Variants in KIF20A observed in about 807,000 individuals in gnomAD.
The protein encoded by KIF20A is kinesin family member 20A.
KIF20A carries 66 observed loss-of-function variants against 113.0 expected under a neutral mutation model. That is an observed-to-expected ratio of 0.58 (90% CI 0.48 to 0.72). The LOEUF (loss-of-function observed/expected upper bound fraction) is 0.72. Among genes scored for constraint, KIF20A ranks in the 30% least tolerant of loss-of-function variants. KIF20A has a pLI of 0.00. For synonymous variants in KIF20A, 376 were observed against 402.3 expected, an observed-to-expected ratio of 0.93 and a Z score of 0.78; for missense variants, 927 against 1,077.6, an observed-to-expected ratio of 0.86 and a Z score of 1.96.
chr5:138,185,591 G>C lies in KIF20A; in HGVS notation c.2006G>C (p.Gly669Ala). 6.2e-7 allele frequency: 1 copy of C among 1,614,162 alleles called. No individual in the cohort carries two copies. Among genetic ancestry groups the C allele is most frequent in the Non-Finnish European group, 8.5e-7 (1 of 1,180,034 alleles). ...RQQSVAHQQS[G>A]SELALRRSQR... ...CAGTCAGTGGCCCATCAGCAATCAG[G>C]GTCTGAATTGGCCCTACGGCGGTCA... The change falls in exon 16 of 19, where the codon GGG becomes GCG. Residue 669 changes from glycine to alanine, a missense_variant. Gly to Ala is a moderately conservative substitution (Grantham distance 60). Coordinates refer to ENST00000394894, the MANE Select transcript of KIF20A (RefSeq NM_005733.3).
At position 138,182,790 on chromosome 5, in the gene KIF20A, C is replaced by T. The variant is rs891498274; in HGVS notation, c.702+17C>T. ...CTCCAAGAGGTAAAGCATTGGTATCCATGGCAGTGGGGGTAGGGGGTACAA... is the reference window on the plus strand; with the variant it reads ...CTCCAAGAGGTAAAGCATTGGTATCTATGGCAGTGGGGGTAGGGGGTACAA... On this transcript the variant is annotated intron_variant, in intron 6 of 18. Transcript: ENST00000394894. 3 of 1,613,420 alleles carry T rather than the reference C, an allele frequency of 1.9e-6. No individual in the cohort carries two copies. The highest frequency in any genetic ancestry group is 1.1e-5 in the South Asian group (1 of 91,066).
rs1754718759 is a variant in KIF20A at position 138,184,821 on chromosome 5, T to TTC, written c.1698_1699insTC (p.Val567SerfsTer5). The TTC allele has an allele frequency of 6.2e-7, 1 of 1,613,932 alleles. No homozygotes were observed. The highest frequency in any genetic ancestry group is 1.7e-5 in the Admixed American group (1 of 59,984). ...GTCTCTCCTAGGAGCTCCTACAAGTTGTGGAAGCCATGAAGACACTGCTTT... is the reference window on the plus strand; with the variant it reads ...GTCTCTCCTAGGAGCTCCTACAAGTTTCGTGGAAGCCATGAAGACACTGCTTT... On this transcript the variant is annotated frameshift_variant, in exon 14 of 19. Transcript: ENST00000394894. LOFTEE classifies it high-confidence loss of function.
chr5:138,187,057 G>T, intron 18 of KIF20A, 39 bp from the exon 19 acceptor site: 1 of 1,520,808 alleles, frequency 6.6e-7, no homozygotes. Flanking sequence ...TAATATACCA[G>T]ACAAAAGTGT....
rs1416252324 is a variant in KIF20A, at chr5:138,179,665, G to A, written c.-16G>A. The A allele has an allele frequency of 6.2e-7, 1 of 1,613,512 alleles. No homozygotes were observed. Among genetic ancestry groups the A allele is most frequent in the Non-Finnish European group, 8.5e-7 (1 of 1,179,966 alleles). ...ACTTTTTGGTCTCTTTTTAGACCTA[G>A]GCTGCCCCTGCCGTCATGTCGCAAG... On this transcript the variant is annotated 5_prime_UTR_variant, in exon 2 of 19. Coordinates refer to ENST00000394894, the MANE Select transcript of KIF20A (RefSeq NM_005733.3).
chr5:138,181,659 G>A lies in KIF20A; in HGVS notation c.306G>A (p.Lys102=). Residue 102 remains lysine (K), a synonymous_variant, in exon 4 of 19, where the codon AAG becomes AAA. Coordinates refer to ENST00000394894, the MANE Select transcript of KIF20A (RefSeq NM_005733.3). The stretch of plus-strand genomic sequence containing the variant: ...AGACCCTTGTTCTACAAGCACCCAA[G>A]GACTCTTTTGCCCTGAAGAGCAATG... The part of the protein sequence containing the change: ...NVETLVLQAP[K]DSFALKSNER... The A allele has an allele frequency of 1.9e-6, 3 of 1,614,152 alleles. No individual in the cohort carries two copies. Among genetic ancestry groups the A allele is most frequent in the Non-Finnish European group, 2.5e-6 (3 of 1,180,028 alleles).
rs1754617230 is a variant in KIF20A at position 138,179,928 on chromosome 5, G to A, written c.165+83G>A. The A allele has an allele frequency of 1.0e-5, 14 of 1,381,262 alleles. No homozygotes were observed. In the East Asian group the frequency reaches 3.5e-4, roughly 34 times the overall value. The allele number at this position is 1,381,262 out of a possible 1,614,324, so 85.6% of individuals were successfully genotyped here. A position where few individuals can be genotyped will look rare whatever the true frequency, so the allele number is the denominator to read the frequency against. Reference sequence around the variant, plus strand: ...CCATACAGGGTAGTATGAGGTCAAAGACTAGCAATCCTAAAGGTCTGAGAT... The same window carrying A: ...CCATACAGGGTAGTATGAGGTCAAAAACTAGCAATCCTAAAGGTCTGAGAT... On this transcript the variant is annotated intron_variant, in intron 2 of 18. Transcript: ENST00000394894.
At chr5:138,179,576 G>C in intron 1 of KIF20A, 84 bp from the exon 2 acceptor site, 2 of 1,066,968 alleles carry the variant, frequency 1.9e-6, no homozygotes. Flanking sequence ...GGTGTCCTGG[G>C]GCAAGGGACT....
At position 138,186,397 on chromosome 5, in the gene KIF20A, C is replaced by G. The variant is rs755898437; in HGVS notation, c.2321C>G (p.Ala774Gly). The change falls in exon 18 of 19, where the codon GCC becomes GGC. Residue 774 changes from alanine to glycine, a missense_variant. Physicochemically the swap from Ala to Gly is moderately conservative, Grantham distance 60 (BLOSUM62 0). Coordinates refer to ENST00000394894, the MANE Select transcript of KIF20A (RefSeq NM_005733.3). ...HSTGAGKLRQ[A>G]LTTCDDILIK... is the part of the protein sequence containing the mutation. ...ACTGGGGCAGGAAAACTTCGTCAAG[C>G]CTTGACCACTTGTGATGACATCTTA... is the stretch of plus-strand genomic sequence containing the variant. The G allele has an allele frequency of 9.9e-6, 16 of 1,611,904 alleles. No homozygotes were observed. In the East Asian group the frequency reaches 3.6e-4, roughly 36 times the overall value.
rs769181467 is a variant in KIF20A, at chr5:138,183,590, A to G, written c.1139+9A>G. 21 of 1,612,944 alleles carry G rather than the reference A, an allele frequency of 1.3e-5. No homozygotes were observed. Among genetic ancestry groups the G allele is most frequent in the Non-Finnish European group, 1.8e-5 (21 of 1,179,138 alleles). On this transcript the variant is annotated intron_variant, in intron 9 of 18. Coordinates refer to ENST00000394894, the MANE Select transcript of KIF20A (RefSeq NM_005733.3). This position sits in a 1 kb window ranked among gnomAD's most constrained non-coding sequence, Gnocchi z 5.2. ...CAGAACTCCAGCCGCAGGTGAGTAG[A>G]TTGTAAGAATAAACTCTTCACTGTG...
intron 12 of KIF20A, 23 bp from the exon 13 acceptor site, chr5:138,184,489 T>C: frequency 6.2e-7 from 1 of 1,610,710 alleles, no homozygotes; most frequent in South Asian, 1.1e-5. Context: ...TGGAGTCAAG[T>C]AAGATATTTT....
chr5:138,181,344 A>G (rs1754658361), intron 2 of KIF20A, 78 bp from the exon 3 acceptor site: 2 of 1,157,634 alleles, frequency 1.7e-6, no homozygotes, highest in African/African-American at 1.5e-5. Context: ...CATAGTTCCT[A>G]GAAACTACTG....
intron 4 of KIF20A, 112 bp downstream of exon 4, chr5:138,181,840 C>G: frequency 1.6e-6 from 2 of 1,275,754 alleles, no homozygotes; most frequent in South Asian, 2.8e-5. Flanking sequence ...ATATGCACAC[C>G]TACAATTTTG....
chr5:138,182,144 G>T lies in KIF20A; in HGVS notation c.376-179G>T, dbSNP rs370613768. Among the ~76,000 whole-genome samples the T allele has an allele frequency of 7.8e-4, 119 of 152,320 alleles. 1 individual carries two copies. Among genetic ancestry groups the T allele is most frequent in the African/African-American group, 2.7e-3 (113 of 41,576 alleles). On this transcript the variant is annotated intron_variant, in intron 4 of 18. Transcript: ENST00000394894. ...TGTTTGTTGATTTGGTGGAAAGATG[G>T]ACTAGCAGAGAGTGCTTGAGTCCTC...
At chr5:138,185,800 AT>A in intron 16 of KIF20A, 90 bp downstream of exon 16, 1 of 1,453,552 alleles carries the variant, frequency 6.9e-7, no homozygotes, top group Non-Finnish European at 9.6e-7. Context: ...CTCTAACATA[AT>A]TTCCTAAACT....
rs1335458843 is a variant in KIF20A, at chr5:138,186,037, A to G, written c.2202A>G (p.Leu734=). The change falls in exon 17 of 19, where the codon TTA becomes TTG. Residue 734 remains leucine (L), a synonymous_variant. Transcript: ENST00000394894. ...TCACCATTGATGTGGACAAGAAGTTAGAAGAGGGCCAGAAGGTAATTACCA... is the reference window on the plus strand; with the variant it reads ...TCACCATTGATGTGGACAAGAAGTTGGAAGAGGGCCAGAAGGTAATTACCA... ...KPFTIDVDKK[L]EEGQKNIRLL... The G allele has an allele frequency of 6.2e-7, 1 of 1,613,998 alleles. No individual in the cohort carries two copies. Among genetic ancestry groups the G allele is most frequent in the Non-Finnish European group, 8.5e-7 (1 of 1,179,938 alleles).
At chr5:138,181,910 A>C (rs1007024137) in intron 4 of KIF20A, 182 bp downstream of exon 4, 1 of 641,874 alleles carries the variant, frequency 1.6e-6, no homozygotes, top group African/African-American at 1.8e-5. Flanking sequence ...AGTTCTGAAA[A>C]ATTCTATTGT....
rs765848371 is a variant in KIF20A, at chr5:138,181,687, C to G, written c.334C>G (p.Arg112Gly). 6.2e-7 allele frequency: 1 copy of G among 1,614,100 alleles called. No individual in the cohort carries two copies. Among genetic ancestry groups the G allele is most frequent in the African/African-American group, 1.3e-5 (1 of 75,010 alleles). Residue 112 changes from arginine (R) to glycine (G), a missense_variant, in exon 4 of 19, where the codon CGG becomes GGG. Physicochemically the swap from Arg to Gly is moderately radical, Grantham distance 125. Transcript: ENST00000394894. The stretch of plus-strand genomic sequence containing the variant: ...CTCTTTTGCCCTGAAGAGCAATGAA[C>G]GGGGAATTGGCCAAGCCACACACAG... ...KDSFALKSNERGIGQATHRFT... is the reference protein window; with the variant it reads ...KDSFALKSNEGGIGQATHRFT...
chr5:138,184,169 G>A, intron 11 of KIF20A, 64 bp downstream of exon 11: 2 of 1,610,924 alleles, frequency 1.2e-6, no homozygotes, highest in Non-Finnish European at 1.7e-6. Context: ...GACACCACTG[G>A]GGATGGTGCT....
chr5:138,179,685 C>A lies in KIF20A; in HGVS notation c.5C>A (p.Ser2Ter). Residue 2 changes from serine (S) to a stop codon, truncating the protein, a stop_gained, in exon 2 of 19, where the codon TCG (serine) becomes TAG (stop). Transcript: ENST00000394894. LOFTEE classifies it high-confidence loss of function. ...ACCTAGGCTGCCCCTGCCGTCATGT[C>A]GCAAGGGATCCTTTCTCCGCCAGCG... M[S>*]QGILSPPAGL... The A allele has an allele frequency of 6.2e-7, 1 of 1,613,986 alleles. No homozygotes were observed. Among genetic ancestry groups the A allele is most frequent in the Non-Finnish European group, 8.5e-7 (1 of 1,179,994 alleles).
Sources: gnomAD v4.1 joint callset for allele counts (sites outside exome capture counted in the v4.1 genomes callset) on GRCh38, gnomAD v4.1.1 for gene constraint, Gnocchi (gnomAD v3.1) non-coding constraint, MANE v1.5 for transcripts, NCBI Gene and HGNC (gene_info 2026-07-23, HGNC 2026-07-21) for gene names.